AFF1: variants seen among roughly 807,000 people sequenced by gnomAD.
AFF1 encodes the protein ALF transcription elongation factor 1.
Under a neutral mutation model 121.7 loss-of-function variants are expected in AFF1, and 48 were observed. That is an observed-to-expected ratio of 0.39 (90% confidence interval 0.31 to 0.50). The LOEUF (loss-of-function observed/expected upper bound fraction) is 0.50. Among genes scored for constraint, AFF1 ranks in the 20% least tolerant of loss-of-function variants. The pLI is 0.76. For synonymous variants in AFF1, 613 were observed against 563.0 expected (o/e 1.09, Z -1.26); for missense variants, 1,523 against 1,511.7 (o/e 1.01, Z -0.12).
At chr4:86,947,459 C>T (rs1199745555) in intron 1 of AFF1, among the ~76,000 whole-genome samples, 1 of 152,158 alleles carries the variant, frequency 6.6e-6, no homozygotes, top group Non-Finnish European at 1.5e-5. Context: ...GTAACAGCCT[C>T]TTAAACAGAG....
intron 2 of AFF1, among the ~76,000 whole-genome samples, chr4:86,963,477 A>G (rs1481263586): frequency 6.6e-6 from 1 of 152,166 alleles, no homozygotes; most frequent in South Asian, 2.1e-4. Flanking sequence ...GGGAGTTCAC[A>G]TTAGCGCTTG....
At chr4:87,033,980 A>C (rs1729311673) in intron 2 of AFF1, among the ~76,000 whole-genome samples, 1 of 152,178 alleles carries the variant, frequency 6.6e-6, no homozygotes, top group African/African-American at 2.4e-5. Flanking sequence ...ACCTGCAGCC[A>C]CATGCATTCT....
At chr4:86,965,702 T>C (rs1722489583) in intron 2 of AFF1, among the ~76,000 whole-genome samples, 1 of 152,188 alleles carries the variant, frequency 6.6e-6, no homozygotes, top group South Asian at 2.1e-4. Context: ...TGGTTGAGGC[T>C]TTGGATTTGC....
intron 1 of AFF1, among the ~76,000 whole-genome samples, chr4:86,943,612 C>T (rs1187865903): frequency 6.6e-6 from 1 of 152,116 alleles, no homozygotes; most frequent in Non-Finnish European, 1.5e-5. Context: ...ACCTGTGATA[C>T]CAGCATTTTC....
At chr4:86,938,252 C>G (rs1271244324) in intron 1 of AFF1, among the ~76,000 whole-genome samples, 1 of 152,078 alleles carries the variant, frequency 6.6e-6, no homozygotes, top group African/African-American at 2.4e-5. Context: ...CGGTTCTGGA[C>G]CAGCCTGACC....
At chr4:86,998,490 A>T (rs1275645167) in intron 2 of AFF1, among the ~76,000 whole-genome samples, 10 of 152,198 alleles carry the variant, frequency 6.6e-5, no homozygotes, top group Admixed American at 5.9e-4. Flanking sequence ...CCCAGAAGAA[A>T]ATAACGTCAT....
chr4:87,046,773 A>C lies in AFF1; in HGVS notation c.238A>C (p.Thr80Pro). ...CGAAGAAGTGAAGGAGTTCCTTAGT[A>C]CTAAGTCTCACACTCATCGCCTGGA... ...NYEEVKEFLS[T>P]KSHTHRLDAS... Residue 80 changes from threonine to proline, a missense_variant, in exon 4 of 21, where the codon ACT (threonine) becomes CCT (proline). This residue lies in a region of AFF1 where 369 missense variants were observed against 367.2 expected (regional missense o/e 1.00). Coordinates refer to ENST00000395146, the MANE Select transcript of AFF1 (RefSeq NM_001166693.3). 1 of 1,614,196 alleles carries C rather than the reference A, an allele frequency of 6.2e-7. No individual in the cohort carries two copies. Among genetic ancestry groups the C allele is most frequent in the South Asian group, 1.1e-5 (1 of 91,084 alleles).
At chr4:87,104,061 G>A (rs17012456) in intron 8 of AFF1, among the ~76,000 whole-genome samples, 1,641 of 152,096 alleles carry the variant, frequency 0.011, 21 homozygotes, top group African/African-American at 0.037. Flanking sequence ...ATACCATTAC[G>A]TTGCTAACTG....
At chr4:87,094,200 C>T (rs1456828657) in intron 7 of AFF1, among the ~76,000 whole-genome samples, 1 of 152,110 alleles carries the variant, frequency 6.6e-6, no homozygotes, top group Non-Finnish European at 1.5e-5. Context: ...TCTTGGCTGT[C>T]CTTTGTGATA....
At chr4:87,126,959 A>G (rs986776129) in intron 14 of AFF1, 67 bp from the exon 15 acceptor site, 3 of 1,364,598 alleles carry the variant, frequency 2.2e-6, no homozygotes, top group Non-Finnish European at 3.1e-6. Context: ...TTTAAGAGGG[A>G]TGGTACTTTT....
At chr4:86,981,156 G>A (rs886994586) in intron 2 of AFF1, among the ~76,000 whole-genome samples, 2 of 151,870 alleles carry the variant, frequency 1.3e-5, no homozygotes, top group Non-Finnish European at 2.9e-5. Context: ...GGGACCACAG[G>A]TGCCCACCAC....
At chr4:87,084,785 A>G (rs962533909) in intron 5 of AFF1, among the ~76,000 whole-genome samples, 4 of 152,176 alleles carry the variant, frequency 2.6e-5, no homozygotes, top group African/African-American at 9.7e-5. Flanking sequence ...CCAGATTTTT[A>G]TGGCATCTCT....
intron 4 of AFF1, among the ~76,000 whole-genome samples, chr4:87,081,946 G>A (rs936989060): frequency 2.0e-5 from 3 of 152,034 alleles, no homozygotes; most frequent in Non-Finnish European, 2.9e-5. Context: ...GAAACATCTT[G>A]GCAAAGTGTC....
In AFF1 at chr4:87,115,117, A is replaced by T. The variant is rs759203423; in HGVS notation, c.2284A>T (p.Thr762Ser). 1 of 1,612,942 alleles carries T rather than the reference A, an allele frequency of 6.2e-7. No homozygotes were observed. Among genetic ancestry groups the T allele is most frequent in the Non-Finnish European group, 8.5e-7 (1 of 1,179,750 alleles). ...DTKLLSPLRDTPPPQSLMVKI... is the reference protein window; with the variant it reads ...DTKLLSPLRDSPPPQSLMVKI... Reference sequence around the variant, plus strand: ...CAAGCTGCTCTCACCGCTCAGGGACACTCCTCCCCCACAAAGCTTGATGGT... The same window carrying T: ...CAAGCTGCTCTCACCGCTCAGGGACTCTCCTCCCCCACAAAGCTTGATGGT... Residue 762 changes from threonine (T) to serine (S), a missense_variant, in exon 12 of 21, where the codon ACT becomes TCT. Transcript: ENST00000395146.
At chr4:87,048,457 T>A (rs1005021112) in intron 4 of AFF1, among the ~76,000 whole-genome samples, 1 of 152,212 alleles carries the variant, frequency 6.6e-6, no homozygotes, top group African/African-American at 2.4e-5. Flanking sequence ...AGATTAGTAG[T>A]GTGAAGTGAA....
intron 2 of AFF1, among the ~76,000 whole-genome samples, chr4:86,985,181 C>CTATATATATATATATG: frequency 1.0e-5 from 1 of 96,518 alleles, no homozygotes; most frequent in Non-Finnish European, 1.9e-5. Flanking sequence ...ATATGTATTA[C>CTATATATATATATATG]TATATATATA....
At chr4:87,106,913 T>C (rs1170733867) in intron 10 of AFF1, among the ~76,000 whole-genome samples, 1 of 152,214 alleles carries the variant, frequency 6.6e-6, no homozygotes, top group African/African-American at 2.4e-5. Context: ...TTATATCTTA[T>C]TTTGTTCAGT....
At chr4:87,018,978 A>T (rs1727621608) in intron 2 of AFF1, among the ~76,000 whole-genome samples, 1 of 152,226 alleles carries the variant, frequency 6.6e-6, no homozygotes, top group African/African-American at 2.4e-5. Context: ...TAAGGAGGGC[A>T]TTCCACCTGG....
rs1017141840 is a variant in AFF1 at position 87,020,753 on chromosome 4, G to C, written c.39-25413G>C. ...CCTGCCTCAGCCTCTCAAAATGCTGGGATTACAGGCGGGATTACCATGCCC... is the reference window on the plus strand; with the variant it reads ...CCTGCCTCAGCCTCTCAAAATGCTGCGATTACAGGCGGGATTACCATGCCC... On this transcript the variant is annotated intron_variant, in intron 2 of 20. Transcript: ENST00000395146. 1.2e-5 allele frequency: 12 copies of C among 976,614 alleles called. No homozygotes were observed. The East Asian group carries it at 1.4e-3, about 112-fold the overall frequency. The allele number at this position is 976,614 out of a possible 1,614,324, so 60.5% of individuals were successfully genotyped here.
Sources: allele counts gnomAD v4.1 joint callset (sites outside exome capture counted in the v4.1 genomes callset), GRCh38; gene constraint gnomAD v4.1.1; regional missense constraint gnomAD v4.1.1; transcripts MANE v1.5; gene names NCBI Gene and HGNC (gene_info 2026-07-23, HGNC 2026-07-21).